The following ACADL variants were observed in gnomAD, a reference collection of about 807,000 sequenced individuals.
The protein encoded by ACADL is acyl-CoA dehydrogenase long chain.
ACADL carries 60 observed loss-of-function variants against 56.9 expected under a neutral mutation model. That is an observed-to-expected ratio of 1.05 (90% CI 0.86 to 1.31). The LOEUF (loss-of-function observed/expected upper bound fraction) is 1.31, where lower values mean the gene tolerates loss of function less well. Among genes scored for constraint, ACADL ranks in the 50% most tolerant of loss-of-function variants. The pLI, the probability that ACADL is intolerant of heterozygous loss-of-function variation, is 0.00. For missense variants in ACADL, 484 were observed against 525.5 expected, an observed-to-expected ratio of 0.92 and a Z score of 0.77; for synonymous variants, 158 against 179.7, an observed-to-expected ratio of 0.88 and a Z score of 0.97.
chr2:210,189,514 T>G (rs548905320), intron 10 of ACADL, among the ~76,000 whole-genome samples: 1 of 152,284 alleles, frequency 6.6e-6, no homozygotes, highest in Non-Finnish European at 1.5e-5. Flanking sequence ...ACTATCACTA[T>G]CAGGAATATA....
intron 4 of ACADL, among the ~76,000 whole-genome samples, chr2:210,214,262 T>C (rs1414807186): frequency 6.6e-6 from 1 of 152,114 alleles, no homozygotes; most frequent in Non-Finnish European, 1.5e-5. Flanking sequence ...TTCCATCTTC[T>C]ATCTTCTTTT....
Position 210,203,317 on chromosome 2 carries a change from A to C in ACADL, c.984+14T>G, listed in dbSNP as rs1485349923. On this transcript the variant is annotated intron_variant, in intron 8 of 10. Transcript: ENST00000233710. ...CTGATACCATCTAATACTAAACCAC[A>C]GTGACAAGCTTACCTGTAGGTGAGC... is the stretch of plus-strand genomic sequence containing the variant. 1 of 1,570,390 alleles carries C rather than the reference A, an allele frequency of 6.4e-7. No individual in the cohort carries two copies. The highest frequency in any genetic ancestry group is 8.8e-7 in the Non-Finnish European group (1 of 1,140,830).
Position 210,188,061 on chromosome 2 carries a change from ACTT to A in ACADL, c.*897_*899del, listed in dbSNP as rs1448514681. 1.3e-5 allele frequency: 2 copies of A among 152,000 alleles called. No homozygotes were observed. Among genetic ancestry groups the A allele is most frequent in the South Asian group, 4.1e-4 (2 of 4,832 alleles). 9.4% of individuals were successfully genotyped at this position (152,000 alleles called of 1,614,324 possible). ...TTGAAATTATCTCTTTTACATATTT[ACTT>A]CTTACCTTATTTTACTACTTATTTG... On this transcript the variant is annotated 3_prime_UTR_variant, in exon 11 of 11. Coordinates refer to ENST00000233710, the MANE Select transcript of ACADL (RefSeq NM_001608.4).
intron 8 of ACADL, among the ~76,000 whole-genome samples, chr2:210,198,885 C>T (rs1688752318): frequency 6.6e-6 from 1 of 152,022 alleles, no homozygotes; most frequent in Non-Finnish European, 1.5e-5. Context: ...ATAAGATCGA[C>T]ATAAACTATG....
intron 8 of ACADL, among the ~76,000 whole-genome samples, chr2:210,196,350 A>G (rs892893288): frequency 6.6e-5 from 10 of 151,828 alleles, no homozygotes; most frequent in African/African-American, 2.2e-4. Context: ...GTACCTCTCA[A>G]TAGCTTGTTT....
intron 6 of ACADL, 95 bp from the exon 7 acceptor site, chr2:210,204,777 AC>A: frequency 2.8e-6 from 3 of 1,075,994 alleles, no homozygotes; most frequent in African/African-American, 1.6e-5. Flanking sequence ...TTCCAAAAAA[AC>A]AAAACACAAA....
At chr2:210,221,972 C>T (rs1158391718) in intron 1 of ACADL, among the ~76,000 whole-genome samples, 1 of 152,174 alleles carries the variant, frequency 6.6e-6, no homozygotes, top group African/African-American at 2.4e-5. Flanking sequence ...TCAAGTGATA[C>T]ACCCATCTCA....
At position 210,195,303 on chromosome 2, in the gene ACADL, ATG is replaced by A. The variant is rs771196671; in HGVS notation, c.1018_1019del (p.His340TyrfsTer16). 31 of 1,613,504 alleles carry A rather than the reference ATG, an allele frequency of 1.9e-5. No homozygotes were observed. The highest frequency in any genetic ancestry group is 2.5e-5 in the Non-Finnish European group (30 of 1,179,516). Reference protein sequence around the residue: ...VQHKLAELKTHICVTRAFVDN... With the variant: ...VQHKLAELKTXICVTRAFVDN... ...CCACAAATGCTCGGGTTACACATAT[ATG>A]TGTTTTTAATTCTGCTAATTTATGT... On this transcript the variant is annotated frameshift_variant, in exon 9 of 11. Transcript: ENST00000233710. LOFTEE classifies it high-confidence loss of function.
At chr2:210,200,592 C>A (rs1688776039) in intron 8 of ACADL, among the ~76,000 whole-genome samples, 1 of 152,148 alleles carries the variant, frequency 6.6e-6, no homozygotes, top group African/African-American at 2.4e-5. Flanking sequence ...TTAATCAAGT[C>A]AAGTCATACT....
chr2:210,191,744 A>T (rs924164028), intron 10 of ACADL, among the ~76,000 whole-genome samples: 1 of 152,162 alleles, frequency 6.6e-6, no homozygotes, highest in Admixed American at 6.5e-5. Context: ...AGCCTATAGC[A>T]TTCTTACTCT....
intron 4 of ACADL, among the ~76,000 whole-genome samples, chr2:210,212,946 C>T (rs1349846389): frequency 2.0e-5 from 3 of 152,140 alleles, no homozygotes; most frequent in Non-Finnish European, 4.4e-5. Flanking sequence ...AGGAGAGTTC[C>T]CACCATTCCC....
At chr2:210,202,685 A>G (rs891829284) in intron 8 of ACADL, among the ~76,000 whole-genome samples, 8 of 152,082 alleles carry the variant, frequency 5.3e-5, no homozygotes, top group Non-Finnish European at 8.8e-5. Context: ...CCGCATTCCC[A>G]TCCTAAAAAT....
intron 9 of ACADL, among the ~76,000 whole-genome samples, chr2:210,193,777 T>G (rs1688671051): frequency 6.6e-6 from 1 of 152,052 alleles, no homozygotes; most frequent in Non-Finnish European, 1.5e-5. Flanking sequence ...GCTCAAAGGA[T>G]CCTCTCACCT....
At position 210,210,267 on chromosome 2, in the gene ACADL, A is replaced by G; in HGVS notation, c.537-5T>C. 1 of 1,596,640 alleles carries G rather than the reference A, an allele frequency of 6.3e-7. No homozygotes were observed. Among genetic ancestry groups the G allele is most frequent in the Non-Finnish European group, 8.6e-7 (1 of 1,165,472 alleles). On this transcript the variant is annotated splice_polypyrimidine_tract_variant and splice_region_variant and intron_variant, in intron 4 of 10. Coordinates refer to ENST00000233710, the MANE Select transcript of ACADL (RefSeq NM_001608.4). Reference sequence around the variant, plus strand: ...GTTTTTATTCCCTGTAAGTCACTGTAATTGAAAGAAAAGATAAAAAATTCA... The same window carrying G: ...GTTTTTATTCCCTGTAAGTCACTGTGATTGAAAGAAAAGATAAAAAATTCA...
At chr2:210,224,795 G>T in intron 1 of ACADL, 7 of 996,908 alleles carry the variant, frequency 7.0e-6, no homozygotes, top group Non-Finnish European at 8.4e-6. Context: ...GACACAGATC[G>T]CAGCCCGCGC....
At chr2:210,225,055 C>G in intron 1 of ACADL, 132 bp downstream of exon 1, 4 of 1,494,510 alleles carry the variant, frequency 2.7e-6, no homozygotes, top group Non-Finnish European at 3.5e-6. Flanking sequence ...CAGCTCTAGC[C>G]CGGCGCCGGA....
At chr2:210,210,316 A>G in intron 4 of ACADL, 54 bp from the exon 5 acceptor site, 1 of 1,300,496 alleles carries the variant, frequency 7.7e-7, no homozygotes, top group Admixed American at 1.7e-5. Context: ...ATTAAATTAT[A>G]CAAATGATAT....
At chr2:210,200,761 C>T (rs1688779258) in intron 8 of ACADL, among the ~76,000 whole-genome samples, 1 of 151,882 alleles carries the variant, frequency 6.6e-6, no homozygotes, top group Non-Finnish European at 1.5e-5. Context: ...CAAACAGTTC[C>T]CAAAACGACA....
At chr2:210,213,207 A>T (rs929313191) in intron 4 of ACADL, among the ~76,000 whole-genome samples, 1 of 152,214 alleles carries the variant, frequency 6.6e-6, no homozygotes, top group Non-Finnish European at 1.5e-5. Context: ...TTATTAAAAC[A>T]ATTCTTCTAT....
Sources: allele counts gnomAD v4.1 joint callset (sites outside exome capture counted in the v4.1 genomes callset), GRCh38; gene constraint gnomAD v4.1.1; transcripts MANE v1.5; gene names NCBI Gene and HGNC (gene_info 2026-07-23, HGNC 2026-07-21).